The following PLA2G4A variants were observed in gnomAD, a reference collection of about 807,000 sequenced individuals.
The protein encoded by PLA2G4A is cytosolic phospholipase A2.
In PLA2G4A, 40 loss-of-function variants were observed where a neutral mutation model predicts 81.9. The observed-to-expected ratio is 0.49, with a 90% confidence interval of 0.38 to 0.64. The LOEUF is 0.64. Among genes scored for constraint, PLA2G4A ranks in the 30% least tolerant of loss-of-function variants. The probability of loss-of-function intolerance (pLI) is 0.00; values close to 1 mark genes in which losing one functional copy is unlikely to be tolerated. For synonymous variants in PLA2G4A, 302 were observed against 296.9 expected, an observed-to-expected ratio of 1.02 and a Z score of -0.18; for missense variants, 715 against 905.1, an observed-to-expected ratio of 0.79 and a Z score of 2.69.
chr1:186,939,325 A>C, intron 9 of PLA2G4A, 95 bp downstream of exon 9: 1 of 569,022 alleles, frequency 1.8e-6, no homozygotes, highest in Non-Finnish European at 3.0e-6. Context: ...AATACATTTT[A>C]TAAAAGTCAG....
intron 2 of PLA2G4A, 34 bp from the exon 3 acceptor site, chr1:186,870,401 G>A: frequency 7.9e-7 from 1 of 1,264,614 alleles, no homozygotes; most frequent in Non-Finnish European, 1.2e-6. Context: ...TATGTTGGAA[G>A]CTTATTTTAA....
intron 1 of PLA2G4A, among the ~76,000 whole-genome samples, chr1:186,833,608 T>C (rs1220628592): frequency 3.3e-5 from 5 of 152,320 alleles, no homozygotes; most frequent in Admixed American, 1.3e-4. Flanking sequence ...CTGATACCAT[T>C]ACCTGCCTGT....
intron 3 of PLA2G4A, among the ~76,000 whole-genome samples, chr1:186,890,283 C>A (rs1051977128): frequency 6.6e-6 from 1 of 152,028 alleles, no homozygotes; most frequent in African/African-American, 2.4e-5. Context: ...AAGATCTTTG[C>A]CCTCAAGTTG....
At chr1:186,950,201 A>T (rs1656507509) in intron 12 of PLA2G4A, among the ~76,000 whole-genome samples, 1 of 152,234 alleles carries the variant, frequency 6.6e-6, no homozygotes, top group Non-Finnish European at 1.5e-5. Context: ...ATATTATTGA[A>T]AGTCAAAAGA....
At chr1:186,959,363 T>C (rs1032589501) in intron 14 of PLA2G4A, among the ~76,000 whole-genome samples, 1 of 113,998 alleles carries the variant, frequency 8.8e-6, no homozygotes, top group Non-Finnish European at 1.9e-5. Context: ...CATCCCCAAA[T>C]ATGGCATTAT....
At chr1:186,936,928 C>G (rs1466296954) in intron 8 of PLA2G4A, among the ~76,000 whole-genome samples, 1 of 151,724 alleles carries the variant, frequency 6.6e-6, no homozygotes, top group African/African-American at 2.4e-5. Flanking sequence ...CTAAGCTACT[C>G]TCTTTTTGAA....
chr1:186,900,134 C>A (rs1654484600), intron 5 of PLA2G4A, among the ~76,000 whole-genome samples: 1 of 152,124 alleles, frequency 6.6e-6, no homozygotes, highest in African/African-American at 2.4e-5. Flanking sequence ...GATGCTGGCA[C>A]AACCTGCTGC....
chr1:186,941,472 T>C (rs891016469), intron 10 of PLA2G4A, among the ~76,000 whole-genome samples: 2 of 152,212 alleles, frequency 1.3e-5, no homozygotes, highest in African/African-American at 4.8e-5. Context: ...ACTTATCACA[T>C]TTGCTATTTT....
chr1:186,937,441 C>A (rs992179604), intron 8 of PLA2G4A, among the ~76,000 whole-genome samples: 26 of 133,384 alleles, frequency 1.9e-4, no homozygotes, highest in African/African-American at 8.4e-4. Flanking sequence ...TTCAAAGCTG[C>A]ATTTTTATAG....
At chr1:186,953,831 A>C (rs1656649674) in intron 13 of PLA2G4A, among the ~76,000 whole-genome samples, 1 of 152,226 alleles carries the variant, frequency 6.6e-6, no homozygotes, top group Admixed American at 6.5e-5. Flanking sequence ...TTATTGAATA[A>C]GAAGAAGAAA....
chr1:186,953,411 G>A (rs1350116613), intron 13 of PLA2G4A, among the ~76,000 whole-genome samples: 1 of 151,848 alleles, frequency 6.6e-6, no homozygotes, highest in South Asian at 2.1e-4. Flanking sequence ...TTTGGATTGG[G>A]GTTATTTTCT....
intron 1 of PLA2G4A, among the ~76,000 whole-genome samples, chr1:186,845,796 C>T (rs1209981045): frequency 6.6e-6 from 1 of 152,116 alleles, no homozygotes; most frequent in Non-Finnish European, 1.5e-5. Flanking sequence ...TTGGAAAGAC[C>T]ACATACTATT....
chr1:186,868,065 A>G (rs1653097622), intron 2 of PLA2G4A, among the ~76,000 whole-genome samples: 1 of 136,294 alleles, frequency 7.3e-6, no homozygotes, highest in Non-Finnish European at 1.6e-5. Context: ...GTCACGGTGT[A>G]TAATTCTTTT....
In PLA2G4A at chr1:186,863,776, T is replaced by TGG. The variant is rs1210594098; in HGVS notation, c.34-6659_34-6658insGG. Among the ~76,000 whole-genome samples the TGG allele has an allele frequency of 2.9e-3, 392 of 132,974 alleles. 1 individual carries two copies. Among genetic ancestry groups the TGG allele is most frequent in the Middle Eastern group, 0.011 (3 of 262 alleles). The allele number at this position is 132,974 out of a possible 152,430, so 87.2% of individuals were successfully genotyped here. On this transcript the variant is annotated intron_variant, in intron 2 of 17. Coordinates refer to ENST00000367466, the MANE Select transcript of PLA2G4A (RefSeq NM_024420.3). ...CAAATATATAATTTTTTTTTTTTTTTTGGGGACAGAGTCTCCCTCTTTTGC... is the reference window on the plus strand; with the variant it reads ...CAAATATATAATTTTTTTTTTTTTTTGGTGGGGACAGAGTCTCCCTCTTTTGC...
chr1:186,930,200 T>C (rs1655691813), intron 7 of PLA2G4A, among the ~76,000 whole-genome samples: 1 of 152,242 alleles, frequency 6.6e-6, no homozygotes, highest in Non-Finnish European at 1.5e-5. Context: ...AAGGTAATTA[T>C]AATCTGCACA....
intron 4 of PLA2G4A, 149 bp from the exon 5 acceptor site, chr1:186,893,949 G>T: frequency 1.7e-6 from 1 of 584,714 alleles, no homozygotes. Context: ...AAAGATAAAA[G>T]TATTGTTACT....
At chr1:186,876,294 G>T (rs145588648) in intron 3 of PLA2G4A, among the ~76,000 whole-genome samples, 1 of 152,022 alleles carries the variant, frequency 6.6e-6, no homozygotes, top group South Asian at 2.1e-4. Flanking sequence ...TTTAAATCAC[G>T]CTGTGTTGCT....
intron 15 of PLA2G4A, among the ~76,000 whole-genome samples, chr1:186,975,504 A>C (rs944293893): frequency 2.0e-5 from 3 of 152,194 alleles, no homozygotes; most frequent in African/African-American, 7.2e-5. Context: ...TTCTAATGTA[A>C]ACTACTGAGG....
At chr1:186,853,772 G>T (rs1045673159) in intron 1 of PLA2G4A, among the ~76,000 whole-genome samples, 1 of 151,646 alleles carries the variant, frequency 6.6e-6, no homozygotes, top group East Asian at 1.9e-4. Flanking sequence ...AATTAAACTG[G>T]TGTCTTCAAA....
Sources: gnomAD v4.1 joint callset for allele counts (sites outside exome capture counted in the v4.1 genomes callset) on GRCh38, gnomAD v4.1.1 for gene constraint, MANE v1.5 for transcripts, NCBI Gene and HGNC (gene_info 2026-07-23, HGNC 2026-07-21) for gene names.